The following QTMAN variants were observed in gnomAD, a reference collection of about 807,000 sequenced individuals.
The protein encoded by QTMAN is tRNA-queuosine alpha-mannosyltransferase.
the QTMAN span, among the ~76,000 whole-genome samples, chr2:144,224,342 C>CCATT: frequency 1.3e-5 from 2 of 152,272 alleles, no homozygotes; most frequent in South Asian, 4.1e-4. Flanking sequence ...CTAATCTCTA[C>CCATT]CATTCATTCA....
At chr2:144,156,151 T>C in the QTMAN span, among the ~76,000 whole-genome samples, 1 of 152,164 alleles carries the variant, frequency 6.6e-6, no homozygotes, top group African/African-American at 2.4e-5. Flanking sequence ...TGATTTGTTA[T>C]GCTTCTCATA....
chr2:144,005,526 A>G, the QTMAN span, among the ~76,000 whole-genome samples: 1 of 151,998 alleles, frequency 6.6e-6, no homozygotes, highest in Non-Finnish European at 1.5e-5. Context: ...GGCAACCTCC[A>G]AGTTTCCAAT....
chr2:144,257,390 CAGA>C, the QTMAN span, among the ~76,000 whole-genome samples: 2 of 151,408 alleles, frequency 1.3e-5, no homozygotes, highest in African/African-American at 4.9e-5. Flanking sequence ...GTCTATACCA[CAGA>C]AGGAGAGAGA....
the QTMAN span, among the ~76,000 whole-genome samples, chr2:143,983,793 G>A: frequency 3.9e-5 from 6 of 152,126 alleles, no homozygotes; most frequent in African/African-American, 1.4e-4. Context: ...TGTTTACCTT[G>A]AATTATACAT....
the QTMAN span, among the ~76,000 whole-genome samples, chr2:144,008,358 G>C: frequency 5.3e-5 from 8 of 151,986 alleles, no homozygotes; most frequent in East Asian, 1.4e-3. Context: ...GATTAATGCT[G>C]ACTTGGGGCT....
chr2:143,981,534 T>G, the QTMAN span, among the ~76,000 whole-genome samples: 3 of 152,226 alleles, frequency 2.0e-5, no homozygotes, highest in Non-Finnish European at 4.4e-5. Flanking sequence ...GAAACTTGTT[T>G]CTGATTTTAA....
the QTMAN span, among the ~76,000 whole-genome samples, chr2:144,078,939 G>A: frequency 6.6e-6 from 1 of 152,064 alleles, no homozygotes; most frequent in Non-Finnish European, 1.5e-5. Flanking sequence ...TTGGCGATTT[G>A]TTGAAGAACC....
At chr2:144,059,452 ACT>A in the QTMAN span, among the ~76,000 whole-genome samples, 1 of 152,214 alleles carries the variant, frequency 6.6e-6, no homozygotes, top group Non-Finnish European at 1.5e-5. Flanking sequence ...CATCTGGCAC[ACT>A]GTGTTGGCTT....
chr2:144,208,789 T>C, the QTMAN span: 3 of 1,572,804 alleles, frequency 1.9e-6, no homozygotes, highest in African/African-American at 2.7e-5. Flanking sequence ...CATTGGCCCA[T>C]TCAAACCTTC....
chr2:143,998,649 TG>T, the QTMAN span, among the ~76,000 whole-genome samples: 3 of 152,162 alleles, frequency 2.0e-5, no homozygotes, highest in African/African-American at 4.8e-5. Flanking sequence ...TGGATTATGG[TG>T]GAGGGGTAGG....
chr2:144,153,105 G>GA, the QTMAN span, among the ~76,000 whole-genome samples: 4 of 152,062 alleles, frequency 2.6e-5, no homozygotes, highest in South Asian at 2.1e-4. Context: ...TTAGCGTTTG[G>GA]AAAAAAATGA....
At chr2:144,274,058 C>T in the QTMAN span, among the ~76,000 whole-genome samples, 1 of 152,020 alleles carries the variant, frequency 6.6e-6, no homozygotes, top group Non-Finnish European at 1.5e-5. Flanking sequence ...CGCTTGAACC[C>T]GGGAGGCAGA....
chr2:143,941,614 G>C, the QTMAN span: 2 of 151,284 alleles, frequency 1.3e-5, no homozygotes, highest in South Asian at 2.1e-4. Flanking sequence ...GGTGGAGCTT[G>C]CAGTGAGCCG....
the QTMAN span, among the ~76,000 whole-genome samples, chr2:144,145,336 G>C: frequency 1.3e-5 from 2 of 151,776 alleles, no homozygotes; most frequent in Non-Finnish European, 2.9e-5. Context: ...TGAATGTTGT[G>C]AAAAATAGAT....
the QTMAN span, among the ~76,000 whole-genome samples, chr2:144,306,647 A>C: frequency 6.6e-6 from 1 of 152,186 alleles, no homozygotes; most frequent in Admixed American, 6.5e-5. Context: ...CACACAGTCC[A>C]TAAGAGCCCC....
the QTMAN span, chr2:143,952,140 C>G: frequency 1.1e-6 from 1 of 889,356 alleles, no homozygotes; most frequent in Non-Finnish European, 1.9e-6. Context: ...ATATTAGTCA[C>G]TTTACTAATT....
the QTMAN span, among the ~76,000 whole-genome samples, chr2:144,055,409 GTTT>G: frequency 4.2e-5 from 6 of 143,316 alleles, no homozygotes; most frequent in South Asian, 1.3e-3. Flanking sequence ...TTCAAGTGGA[GTTT>G]TTTTTTTTAG....
chr2:144,139,114 T>C, the QTMAN span, among the ~76,000 whole-genome samples: 2 of 152,026 alleles, frequency 1.3e-5, no homozygotes, highest in Admixed American at 6.6e-5. Context: ...TGAAATTAAG[T>C]TGGCTCAATC....
chr2:144,194,603 A>T, the QTMAN span, among the ~76,000 whole-genome samples: 3 of 152,228 alleles, frequency 2.0e-5, no homozygotes, highest in African/African-American at 7.2e-5. Context: ...GGTAAGACAA[A>T]ATAAGAACAA....
Sources: gnomAD v4.1 joint callset for allele counts (sites outside exome capture counted in the v4.1 genomes callset) on GRCh38, gnomAD v4.1.1 for gene constraint, MANE v1.5 for transcripts, NCBI Gene and HGNC (gene_info 2026-07-23, HGNC 2026-07-21) for gene names.